FHIP1A: variants seen among roughly 807,000 people sequenced by gnomAD.
The protein encoded by FHIP1A is FHF complex subunit HOOK-interacting protein 1A.
In FHIP1A, 61 loss-of-function variants were observed where a neutral mutation model predicts 88.6. That is an observed-to-expected ratio of 0.69 (90% CI 0.56 to 0.85). The LOEUF is 0.85. FHIP1A is among the 40% of genes least tolerant of loss of function. The probability of loss-of-function intolerance (pLI) is 0.00; values close to 1 mark genes in which losing one functional copy is unlikely to be tolerated. For missense variants in FHIP1A, 1,154 were observed against 1,273.5 expected (o/e 0.91, Z 1.43); for synonymous variants, 478 against 496.0 (o/e 0.96, Z 0.48).
At chr4:151,450,783 C>CT (rs1397941200) in intron 1 of FHIP1A, among the ~76,000 whole-genome samples, 126 of 148,830 alleles carry the variant, frequency 8.5e-4, no homozygotes, top group African/African-American at 2.5e-3. Flanking sequence ...TTTATCTCGT[C>CT]TTTTTTTTTT....
intron 2 of FHIP1A, among the ~76,000 whole-genome samples, chr4:151,471,524 T>C (rs1729512320): frequency 6.6e-6 from 1 of 152,114 alleles, no homozygotes; most frequent in African/African-American, 2.4e-5. Context: ...GTTGCCTATG[T>C]TTCATAATTT....
chr4:151,620,713 T>G (rs1735707163), intron 7 of FHIP1A, among the ~76,000 whole-genome samples: 1 of 151,836 alleles, frequency 6.6e-6, no homozygotes. Flanking sequence ...GCATTATAAA[T>G]TAAGCTTACA....
intron 3 of FHIP1A, among the ~76,000 whole-genome samples, chr4:151,493,769 A>G (rs1380057158): frequency 6.6e-6 from 1 of 152,248 alleles, no homozygotes; most frequent in African/African-American, 2.4e-5. Flanking sequence ...GACAAAATCC[A>G]ACATTGCTTT....
intron 2 of FHIP1A, among the ~76,000 whole-genome samples, chr4:151,478,279 ATGTTT>A (rs1448082388): frequency 1.3e-5 from 2 of 152,186 alleles, no homozygotes; most frequent in Middle Eastern, 3.2e-3. Flanking sequence ...TTTATACAAG[ATGTTT>A]TGTTTATATG....
rs1580585540 is a variant in FHIP1A, at chr4:151,454,702, T to C, written c.-354T>C. On this transcript the variant is annotated splice_region_variant and 5_prime_UTR_variant, in exon 2 of 14. Coordinates refer to ENST00000435205, the MANE Select transcript of FHIP1A (RefSeq NM_001109977.3). Reference sequence around the variant, plus strand: ...AAGGACTTTTTTTTTTTTTTCCAGGTGATACACTTGGGTGTTGAAGGACAT... The same window carrying C: ...AAGGACTTTTTTTTTTTTTTCCAGGCGATACACTTGGGTGTTGAAGGACAT... 1 of 150,994 alleles carries C rather than the reference T, an allele frequency of 6.6e-6. No individual in the cohort carries two copies. Among genetic ancestry groups the C allele is most frequent in the African/African-American group, 2.4e-5 (1 of 41,008 alleles). The allele number at this position is 150,994 out of a possible 1,614,324, so 9.4% of individuals were successfully genotyped here.
intron 3 of FHIP1A, among the ~76,000 whole-genome samples, chr4:151,502,664 A>C (rs1481264379): frequency 1.3e-5 from 2 of 152,200 alleles, no homozygotes; most frequent in Non-Finnish European, 2.9e-5. Context: ...GGAATCCTAA[A>C]AGGAGAAGAG....
intron 7 of FHIP1A, among the ~76,000 whole-genome samples, chr4:151,604,860 A>T (rs2126835510): frequency 6.6e-6 from 1 of 151,792 alleles, no homozygotes; most frequent in East Asian, 1.9e-4. Flanking sequence ...AAAAAAAAAA[A>T]TACTAATAAT....
chr4:151,417,433 G>A (rs778785707), intron 1 of FHIP1A, among the ~76,000 whole-genome samples: 1 of 152,222 alleles, frequency 6.6e-6, no homozygotes, highest in Non-Finnish European at 1.5e-5. Flanking sequence ...AGAGGCTGAA[G>A]TGAAGTTACA....
rs1190646766 is a variant in FHIP1A, at chr4:151,567,216, C to T, written c.105+852C>T. ...TAAAATTGTCATTCTTTACTACTTG[C>T]CCAACATTGCACTCCCCAGGTGAGC... On this transcript the variant is annotated intron_variant, in intron 4 of 13. Transcript: ENST00000435205. 3.3e-5 allele frequency among the ~76,000 whole-genome samples: 5 copies of T among 152,068 alleles called. No individual in the cohort carries two copies. In the East Asian group the frequency reaches 9.6e-4, roughly 29 times the overall value.
At chr4:151,470,205 G>A (rs888555730) in intron 2 of FHIP1A, among the ~76,000 whole-genome samples, 21 of 152,142 alleles carry the variant, frequency 1.4e-4, no homozygotes, top group Non-Finnish European at 2.9e-4. Flanking sequence ...TGTGCTTTTT[G>A]ACTAATAGTG....
intron 5 of FHIP1A, among the ~76,000 whole-genome samples, chr4:151,583,965 G>A (rs1011903450): frequency 1.3e-5 from 2 of 152,010 alleles, no homozygotes; most frequent in East Asian, 3.9e-4. Flanking sequence ...CTTGTTTACG[G>A]TTGTATTTTC....
chr4:151,604,702 A>G (rs1314642643), intron 7 of FHIP1A, among the ~76,000 whole-genome samples: 1 of 151,986 alleles, frequency 6.6e-6, no homozygotes, highest in Non-Finnish European at 1.5e-5. Context: ...TACAAAAATT[A>G]GCTGGGCATG....
At chr4:151,482,468 G>T (rs1729931608) in intron 2 of FHIP1A, 56 bp from the exon 3 acceptor site, 1 of 152,004 alleles carries the variant, frequency 6.6e-6, no homozygotes. Flanking sequence ...AAAAAATAGA[G>T]ATACTCAGAT....
intron 3 of FHIP1A, among the ~76,000 whole-genome samples, chr4:151,496,249 T>TA (rs1560731192): frequency 3.0e-4 from 44 of 148,554 alleles, no homozygotes; most frequent in South Asian, 8.4e-4. Context: ...ATATATATTT[T>TA]TATATATATA....
chr4:151,606,283 C>G (rs1735071492), intron 7 of FHIP1A, among the ~76,000 whole-genome samples: 1 of 152,160 alleles, frequency 6.6e-6, no homozygotes, highest in Non-Finnish European at 1.5e-5. Context: ...GGTCTCTGCT[C>G]TTTGTCACTT....
chr4:151,609,873 A>G (rs1395364481), intron 7 of FHIP1A, among the ~76,000 whole-genome samples: 1 of 152,214 alleles, frequency 6.6e-6, no homozygotes, highest in African/African-American at 2.4e-5. Flanking sequence ...TGCTGTATCT[A>G]ATGCTGTGCC....
chr4:151,432,414 A>G (rs1733625487), intron 1 of FHIP1A, among the ~76,000 whole-genome samples: 1 of 152,180 alleles, frequency 6.6e-6, no homozygotes, highest in Non-Finnish European at 1.5e-5. Flanking sequence ...GCACTGTTCT[A>G]GGTGCTGAGA....
At chr4:151,465,659 A>G (rs983592838) in intron 2 of FHIP1A, among the ~76,000 whole-genome samples, 1 of 152,232 alleles carries the variant, frequency 6.6e-6, no homozygotes, top group Non-Finnish European at 1.5e-5. Flanking sequence ...GCAGCACATC[A>G]AAAAGCTTGT....
chr4:151,412,285 T>C (rs938730292), intron 1 of FHIP1A, among the ~76,000 whole-genome samples: 17 of 152,240 alleles, frequency 1.1e-4, no homozygotes, highest in African/African-American at 3.9e-4. Flanking sequence ...TTTGTATTTT[T>C]AGTAGAGATG....
Sources: allele counts gnomAD v4.1 joint callset (sites outside exome capture counted in the v4.1 genomes callset), GRCh38; gene constraint gnomAD v4.1.1; transcripts MANE v1.5; gene names NCBI Gene and HGNC (gene_info 2026-07-23, HGNC 2026-07-21).